AOPEP: variants seen among roughly 807,000 people sequenced by gnomAD.
AOPEP encodes the protein aminopeptidase O.
In AOPEP, 77 loss-of-function variants were observed where a neutral mutation model predicts 98.1. That is an observed-to-expected ratio of 0.78 (90% CI 0.65 to 0.95). The LOEUF (loss-of-function observed/expected upper bound fraction) is 0.95, where lower values mean the gene tolerates loss of function less well. Ranked by LOEUF, AOPEP falls within the 40% of genes least tolerant of loss-of-function variation. AOPEP has a pLI of 0.00. For missense variants in AOPEP, 1,024 were observed against 1,024.7 expected, an observed-to-expected ratio of 1.00 and a Z score of 0.01; for synonymous variants, 346 against 365.3, an observed-to-expected ratio of 0.95 and a Z score of 0.60.
intron 5 of AOPEP, among the ~76,000 whole-genome samples, chr9:94,829,617 TTC>T (rs1447637886): frequency 6.6e-6 from 1 of 152,150 alleles, no homozygotes; most frequent in Non-Finnish European, 1.5e-5. Context: ...TCTACCGAAA[TTC>T]TCTGTTTCAT....
intron 5 of AOPEP, among the ~76,000 whole-genome samples, chr9:94,895,809 C>T (rs2049473330): frequency 6.6e-6 from 1 of 152,128 alleles, no homozygotes; most frequent in Non-Finnish European, 1.5e-5. Flanking sequence ...ATGCCTCGGC[C>T]TCCCAAAGTG....
chr9:94,958,074 C>T (rs762111547), intron 9 of AOPEP, among the ~76,000 whole-genome samples: 2 of 152,166 alleles, frequency 1.3e-5, no homozygotes, highest in African/African-American at 2.4e-5. Context: ...CCCCAGCAAC[C>T]GCCATTCTAC....
At chr9:95,004,935 C>CCCGCCCGCCCGCGCCG in intron 11 of AOPEP, 1 of 145,884 alleles carries the variant, frequency 6.9e-6, no homozygotes, top group African/African-American at 2.5e-5. Context: ...TCGGTGCCCG[C>CCCGCCCGCCCGCGCCG]CCGCCCGCCC....
At chr9:94,897,865 A>G (rs1477832882) in intron 5 of AOPEP, among the ~76,000 whole-genome samples, 1 of 143,912 alleles carries the variant, frequency 6.9e-6, no homozygotes, top group Non-Finnish European at 1.5e-5. Context: ...TTGGATACAG[A>G]GACTTGCTCT....
chr9:94,755,904 A>G (rs1836912326), intron 1 of AOPEP, among the ~76,000 whole-genome samples: 1 of 152,214 alleles, frequency 6.6e-6, no homozygotes, highest in Non-Finnish European at 1.5e-5. Context: ...TTCAGCTCCA[A>G]AGTTCAATAA....
Position 95,087,028 on chromosome 9 carries a change from T to A in AOPEP, c.*351T>A. 1.3e-6 allele frequency: 1 copy of A among 794,558 alleles called. No individual in the cohort carries two copies. The highest frequency in any genetic ancestry group is 1.5e-6 in the Non-Finnish European group (1 of 655,258). 49.2% of individuals were successfully genotyped at this position (794,558 alleles called of 1,614,324 possible). ...TACATTGGTCTGCTCAGCACATGGC[T>A]GGATGCGGATATTTCTATAATTCCA... On this transcript the variant is annotated 3_prime_UTR_variant, in exon 17 of 17. Transcript: ENST00000375315.
chr9:94,750,524 G>T (rs1835447677), intron 1 of AOPEP, among the ~76,000 whole-genome samples: 1 of 151,978 alleles, frequency 6.6e-6, no homozygotes, highest in Admixed American at 6.5e-5. Flanking sequence ...GGCAGAGGTT[G>T]CAGTGAGCCG....
chr9:94,979,186 C>G (rs542604801), intron 10 of AOPEP, among the ~76,000 whole-genome samples, 181 bp from the exon 11 acceptor site: 5 of 152,100 alleles, frequency 3.3e-5, no homozygotes, highest in African/African-American at 1.2e-4. Flanking sequence ...TGAAGAGGAG[C>G]GGTCTCATGT....
At chr9:94,830,629 A>G (rs1023883994) in intron 5 of AOPEP, among the ~76,000 whole-genome samples, 15 of 152,226 alleles carry the variant, frequency 9.9e-5, no homozygotes, top group African/African-American at 3.4e-4. Context: ...GAATGGCCAC[A>G]CTGTCTTCCA....
intron 14 of AOPEP, among the ~76,000 whole-genome samples, chr9:95,068,968 T>C (rs908947295): frequency 4.6e-5 from 7 of 152,140 alleles, no homozygotes; most frequent in African/African-American, 1.7e-4. Context: ...CAAGGAGCTT[T>C]CTATGACTGC....
At chr9:95,098,044 C>T in the AOPEP span, among the ~76,000 whole-genome samples, 2 of 152,126 alleles carry the variant, frequency 1.3e-5, no homozygotes, top group Admixed American at 6.5e-5. Flanking sequence ...AGGGGAGAAG[C>T]ACGGGGAACT....
chr9:95,003,873 C>T (rs1382114634), intron 11 of AOPEP: 1 of 155,782 alleles, frequency 6.4e-6, no homozygotes, highest in African/African-American at 2.4e-5. Flanking sequence ...TTTGAGCAGA[C>T]TTGTTGTTTG....
the AOPEP span, chr9:95,101,678 G>A: frequency 1.3e-5 from 21 of 1,612,382 alleles, no homozygotes; most frequent in South Asian, 9.9e-5. Context: ...GATCCCTCAC[G>A]CCGGGCACCC....
chr9:94,860,620 G>A (rs2044821951), intron 5 of AOPEP, among the ~76,000 whole-genome samples: 1 of 152,130 alleles, frequency 6.6e-6, no homozygotes, highest in African/African-American at 2.4e-5. Context: ...GGAGAATGCA[G>A]GACTTGAGAG....
intron 9 of AOPEP, among the ~76,000 whole-genome samples, chr9:94,967,113 G>A (rs1399532423): frequency 6.6e-6 from 1 of 152,086 alleles, no homozygotes; most frequent in African/African-American, 2.4e-5. Context: ...ATTTTCCATA[G>A]TAAAGGAAAA....
chr9:94,743,193 A>AGAAGAAGAAGAAGAAGAAGAAGAG (rs1554695832), intron 1 of AOPEP, among the ~76,000 whole-genome samples: 11 of 122,002 alleles, frequency 9.0e-5, no homozygotes, highest in Non-Finnish European at 1.4e-4. Flanking sequence ...AAGAAGAAGA[A>AGAAGAAGAAGAAGAAGAAGAAGAG]GAAGAAGAGG....
intron 10 of AOPEP, among the ~76,000 whole-genome samples, chr9:94,969,749 G>A (rs573869079): frequency 2.6e-5 from 4 of 152,260 alleles, no homozygotes; most frequent in South Asian, 4.1e-4. Context: ...AACATTAAAC[G>A]GAGGCATCTT....
At chr9:94,862,412 G>A (rs1427277148) in intron 5 of AOPEP, among the ~76,000 whole-genome samples, 3 of 152,168 alleles carry the variant, frequency 2.0e-5, no homozygotes, top group African/African-American at 7.2e-5. Context: ...ATCCTTTAAA[G>A]GGACTCTTTT....
intron 7 of AOPEP, among the ~76,000 whole-genome samples, chr9:94,941,389 C>A (rs996931810): frequency 6.6e-6 from 1 of 152,278 alleles, no homozygotes; most frequent in Non-Finnish European, 1.5e-5. Context: ...CTACCCACTC[C>A]TGTCTGTCTA....
Sources: gnomAD v4.1 joint callset for allele counts (sites outside exome capture counted in the v4.1 genomes callset) on GRCh38, gnomAD v4.1.1 for gene constraint, MANE v1.5 for transcripts, NCBI Gene and HGNC (gene_info 2026-07-23, HGNC 2026-07-21) for gene names.